The following COX6B2 variants were observed in gnomAD, a reference collection of about 807,000 sequenced individuals.
COX6B2 encodes the protein COX VIb-2.
COX6B2 carries 12 observed loss-of-function variants against 13.7 expected under a neutral mutation model. That is an observed-to-expected ratio of 0.87 (90% CI 0.56 to 1.41). COX6B2 has a LOEUF of 1.41. Among genes scored for constraint, COX6B2 ranks in the 40% most tolerant of loss-of-function variants. COX6B2 has a pLI of 0.00. For synonymous variants in COX6B2, 56 were observed against 46.6 expected (o/e 1.20, Z -0.82); for missense variants, 130 against 118.3 (o/e 1.10, Z -0.46).
At chr19:55,351,608 A>G (rs924019032) in intron 4 of COX6B2, 3 of 152,106 alleles carry the variant, frequency 2.0e-5, no homozygotes, top group Non-Finnish European at 4.4e-5. Flanking sequence ...GGAGTAGAGA[A>G]AGAAGGCGGG....
At chr19:55,353,566 C>T (rs1404040414) in intron 4 of COX6B2, 41 bp downstream of exon 4, 26 of 729,862 alleles carry the variant, frequency 3.6e-5, no homozygotes, top group Non-Finnish European at 4.9e-5. Flanking sequence ...CACGACGCAT[C>T]GCTGGCTGGG....
At chr19:55,354,582 G>A in intron 1 of COX6B2, 43 bp from the exon 2 acceptor site, 1 of 1,276,166 alleles carries the variant, frequency 7.8e-7, no homozygotes, top group Non-Finnish European at 1.1e-6. Flanking sequence ...GGCCGAGGGG[G>A]CGCCCTCGCT....
intron 2 of COX6B2, 40 bp from the exon 3 acceptor site, chr19:55,354,006 C>A: frequency 6.7e-7 from 1 of 1,485,498 alleles, no homozygotes; most frequent in Non-Finnish European, 9.0e-7. Flanking sequence ...CACGCCCATT[C>A]CAGGACAGGA....
At chr19:55,353,498 T>G (rs1244133066) in intron 4 of COX6B2, 109 bp downstream of exon 4, 5 of 597,308 alleles carry the variant, frequency 8.4e-6, no homozygotes, top group Non-Finnish European at 1.5e-5. Context: ...CACCTGCCCC[T>G]TATCGGAAAA....
intron 4 of COX6B2, chr19:55,351,810 G>A (rs2089671885): frequency 6.6e-6 from 1 of 152,518 alleles, no homozygotes; most frequent in Admixed American, 6.5e-5. Context: ...AGTTTGCACA[G>A]GTGATGGTCC....
At position 55,353,945 on chromosome 19, in the gene COX6B2, G is replaced by A. The variant is rs780464482; in HGVS notation, c.134C>T (p.Thr45Ile). 25 of 1,555,236 alleles carry A rather than the reference G, an allele frequency of 1.6e-5. No homozygotes were observed. In the South Asian group the frequency reaches 2.9e-4, roughly 18 times the overall value. ...NFLDYHRCLKTRTRRGKSTQP... is the reference protein window; with the variant it reads ...NFLDYHRCLKIRTRRGKSTQP... ...CGTGCTCTTCCCGCGGCGGGTCCTG[G>A]TCTTGAGGCAGCGGTGGTAGTCTGT... Residue 45 changes from threonine to isoleucine, a missense_variant, in exon 3 of 5, where the codon ACC (threonine) becomes ATC (isoleucine). By Grantham distance (89) the Thr-to-Ile change is moderately conservative (BLOSUM62 -1). Transcript: ENST00000326529.
rs576407591 is a variant in COX6B2 at position 55,353,884 on chromosome 19, C to CG, written c.194dup (p.Leu66AlafsTer36). The CG allele has an allele frequency of 2.9e-3, 4,604 of 1,573,636 alleles. 10 individuals carry two copies. Among genetic ancestry groups the CG allele is most frequent in the Non-Finnish European group, 3.7e-3 (4,256 of 1,160,486 alleles). ...GACTCACCCAGCTGATGGGGCACAG[C>CG]GAGTGGTACACGCGGAAATAGTACT... On this transcript the variant is annotated frameshift_variant, in exon 3 of 5. Transcript: ENST00000326529. LOFTEE classifies it high-confidence loss of function.
chr19:55,353,909 T>C lies in COX6B2; in HGVS notation c.170A>G (p.Glu57Gly). ...CGAGTGGTACACGCGGAAATAGTAC[T>C]CGCAGGGCTGCGTGCTCTTCCCGCG... is the stretch of plus-strand genomic sequence containing the variant. Reference protein sequence around the residue: ...TRRGKSTQPCEYYFRVYHSLC... With the variant: ...TRRGKSTQPCGYYFRVYHSLC... The change falls in exon 3 of 5, where the codon GAG (glutamate) becomes GGG (glycine). Residue 57 changes from glutamate to glycine, a missense_variant. Physicochemically the swap from Glu to Gly is moderately conservative, Grantham distance 98. Coordinates refer to ENST00000326529, the MANE Select transcript of COX6B2 (RefSeq NM_144613.5). The C allele has an allele frequency of 2.5e-6, 4 of 1,571,088 alleles. No homozygotes were observed. Among genetic ancestry groups the C allele is most frequent in the African/African-American group, 1.4e-5 (1 of 73,980 alleles).
At chr19:55,354,019 C>T (rs2089689767) in intron 2 of COX6B2, 53 bp from the exon 3 acceptor site, 4 of 1,407,210 alleles carry the variant, frequency 2.8e-6, no homozygotes, top group African/African-American at 2.8e-5. Flanking sequence ...GGACAGGACC[C>T]GCCCCTCCAC....
chr19:55,353,160 C>T, intron 4 of COX6B2: 1 of 170,892 alleles, frequency 5.9e-6, no homozygotes. Flanking sequence ...ATGGAGTCAG[C>T]GCTGGGTGGT....
chr19:55,354,494 G>A lies in COX6B2; in HGVS notation c.28C>T (p.Pro10Ser), dbSNP rs1331681152. 5 of 1,613,382 alleles carry A rather than the reference G, an allele frequency of 3.1e-6. No homozygotes were observed. The highest frequency in any genetic ancestry group is 2.2e-5 in the South Asian group (2 of 91,052). ...GGCGGCGTCGACCATTTCCCCTTGG[G>A]GGGCTCCTGGGCTTCCACATCCAAC... Reference protein sequence around the residue: MLDVEAQEPPKGKWSTPPFD... With the variant: MLDVEAQEPSKGKWSTPPFD... Residue 10 changes from proline to serine, a missense_variant, in exon 2 of 5, where the codon CCC becomes TCC. By Grantham distance (74) the Pro-to-Ser change is moderately conservative (BLOSUM62 -1). Coordinates refer to ENST00000326529, the MANE Select transcript of COX6B2 (RefSeq NM_144613.5).
Position 55,353,608 on chromosome 19 carries a change from A to G in COX6B2, c.*113T>C. 2 of 961,438 alleles carry G rather than the reference A, an allele frequency of 2.1e-6. No homozygotes were observed. Among genetic ancestry groups the G allele is most frequent in the South Asian group, 1.5e-5 (1 of 66,116 alleles). 59.6% of individuals were successfully genotyped at this position (961,438 alleles called of 1,614,324 possible). On this transcript the variant is annotated splice_region_variant and 3_prime_UTR_variant, in exon 4 of 5. Coordinates refer to ENST00000326529, the MANE Select transcript of COX6B2 (RefSeq NM_144613.5). ...GAAGAAACATCAGCAACAGCATACC[A>G]TTATTCGTGGCTTAGACACTGGGAG...
chr19:55,354,585 C>T, intron 1 of COX6B2, 46 bp from the exon 2 acceptor site: 2 of 1,238,088 alleles, frequency 1.6e-6, no homozygotes, highest in Non-Finnish European at 2.3e-6. Context: ...CGAGGGGGCG[C>T]CCTCGCTCCG....
At position 55,354,666 on chromosome 19, in the gene COX6B2, G is replaced by A. The variant is rs144649119; in HGVS notation, c.-35C>T. 8.5e-3 allele frequency: 5,315 copies of A among 625,386 alleles called. 343 individuals are homozygous for A. In the East Asian group the frequency reaches 0.13, roughly 15 times the overall value. 38.7% of individuals were successfully genotyped at this position (625,386 alleles called of 1,614,324 possible). On this transcript the variant is annotated 5_prime_UTR_variant, in exon 1 of 5. Coordinates refer to ENST00000326529, the MANE Select transcript of COX6B2 (RefSeq NM_144613.5). ...TGCCCTCACCAGCCTGACGTTGGCG[G>A]CCACTGGATCTGCTGTGGGATGGTC...
Position 55,354,477 on chromosome 19 carries a change from C to T in COX6B2, c.45G>A (p.Ser15=). The T allele has an allele frequency of 1.2e-6, 2 of 1,613,954 alleles. No individual in the cohort carries two copies. Among genetic ancestry groups the T allele is most frequent in the Non-Finnish European group, 8.5e-7 (1 of 1,179,896 alleles). ...EAQEPPKGKW[S]TPPFDPRFPS... ...GGAAGCGCGGGTCGAAGGGCGGCGT[C>T]GACCATTTCCCCTTGGGGGGCTCCT... is the stretch of plus-strand genomic sequence containing the variant. Residue 15 remains serine, a synonymous_variant, in exon 2 of 5, where the codon TCG becomes TCA. Transcript: ENST00000326529.
intron 4 of COX6B2, among the ~76,000 whole-genome samples, chr19:55,351,080 AC>A (rs1174625762): frequency 1.3e-5 from 2 of 152,190 alleles, no homozygotes; most frequent in Non-Finnish European, 2.9e-5. Context: ...AATATGGGGC[AC>A]CAGAACTGGG....
intron 1 of COX6B2, 45 bp from the exon 2 acceptor site, chr19:55,354,584 G>T: frequency 8.1e-7 from 1 of 1,240,968 alleles, no homozygotes; most frequent in Non-Finnish European, 1.2e-6. Context: ...CCGAGGGGGC[G>T]CCCTCGCTCC....
Position 55,353,745 on chromosome 19 carries a change from G to A in COX6B2, c.243C>T (p.Asn81=), listed in dbSNP as rs1400028316. Residue 81 remains asparagine (N), a synonymous_variant, in exon 4 of 5, where the codon AAC becomes AAT. Transcript: ENST00000326529. ...GTCAGATTTTGCCGGCGAAAATCCC[G>A]TTCTTGATCTGCTCGTTCCAGCTCT... The part of the protein sequence containing the change: ...WVESWNEQIK[N]GIFAGKI The A allele has an allele frequency of 1.1e-5, 18 of 1,610,462 alleles. No individual in the cohort carries two copies. Among genetic ancestry groups the A allele is most frequent in the Middle Eastern group, 1.7e-4 (1 of 6,052 alleles).
intron 2 of COX6B2, 130 bp downstream of exon 2, chr19:55,354,280 G>T: frequency 1.9e-6 from 1 of 533,178 alleles, no homozygotes; most frequent in Non-Finnish European, 3.0e-6. Flanking sequence ...ACCAGGCCCC[G>T]CCCCCACCAA....
Sources: gnomAD v4.1 joint callset for allele counts (sites outside exome capture counted in the v4.1 genomes callset) on GRCh38, gnomAD v4.1.1 for gene constraint, MANE v1.5 for transcripts, NCBI Gene and HGNC (gene_info 2026-07-23, HGNC 2026-07-21) for gene names.